CWF19L2: variants seen among roughly 807,000 people sequenced by gnomAD.
The protein encoded by CWF19L2 is CWF19 like cell cycle control factor 2.
Under a neutral mutation model 111.7 loss-of-function variants are expected in CWF19L2, and 98 were observed. The observed-to-expected ratio is 0.88, with a 90% CI of 0.75 to 1.04. The LOEUF is 1.04. Ranked by LOEUF, CWF19L2 falls within the 50% of genes least tolerant of loss-of-function variation. The pLI, the probability that CWF19L2 is intolerant of heterozygous loss-of-function variation, is 0.00. For synonymous variants in CWF19L2, 351 were observed against 342.9 expected, an observed-to-expected ratio of 1.02 and a Z score of -0.26; for missense variants, 1,101 against 1,051.4, an observed-to-expected ratio of 1.05 and a Z score of -0.65.
At chr11:107,419,246 G>A (rs1861270580) in intron 8 of CWF19L2, among the ~76,000 whole-genome samples, 1 of 152,150 alleles carries the variant, frequency 6.6e-6, no homozygotes, top group Non-Finnish European at 1.5e-5. Flanking sequence ...TCATTAGTGG[G>A]AAACAGCATG....
intron 10 of CWF19L2, among the ~76,000 whole-genome samples, chr11:107,410,168 G>A (rs896507715): frequency 6.6e-6 from 1 of 152,026 alleles, no homozygotes; most frequent in Non-Finnish European, 1.5e-5. Flanking sequence ...CTATGCATGG[G>A]GTTTTCTTTT....
intron 12 of CWF19L2, among the ~76,000 whole-genome samples, chr11:107,387,460 A>AC (rs1292968977): frequency 5.8e-4 from 31 of 53,422 alleles, no homozygotes; most frequent in African/African-American, 3.9e-3. Flanking sequence ...AACAAAACAA[A>AC]ACAAAACAAA....
Position 107,334,909 on chromosome 11 carries a change from T to A in CWF19L2, c.2411A>T (p.Asp804Val). Residue 804 changes from aspartate (D) to valine (V), a missense_variant, in exon 16 of 18, where the codon GAT becomes GTT. Transcript: ENST00000282251. ...CTTTCTGATATCTTTTGAAGAGAGA[T>A]CTATCAACTTCTTGTTCATGGACCA... ...EEWSMNKKLI[D>V]LSSKDIRKSV... 5.6e-6 allele frequency: 9 copies of A among 1,605,746 alleles called. No homozygotes were observed. Among genetic ancestry groups the A allele is most frequent in the Non-Finnish European group, 7.7e-6 (9 of 1,172,936 alleles).
At chr11:107,457,575 T>A (rs557374070) in intron 1 of CWF19L2, 137 bp downstream of exon 1, 1 of 621,238 alleles carries the variant, frequency 1.6e-6, no homozygotes, top group Admixed American at 3.0e-5. Context: ...TTTACCGGCA[T>A]TGCAAAGGGA....
intron 10 of CWF19L2, among the ~76,000 whole-genome samples, chr11:107,398,104 A>C (rs1214733926): frequency 6.6e-6 from 1 of 152,198 alleles, no homozygotes; most frequent in Non-Finnish European, 1.5e-5. Flanking sequence ...CCCTGGTAAT[A>C]TGACAAAACA....
chr11:107,360,894 T>A (rs140314769), intron 12 of CWF19L2, among the ~76,000 whole-genome samples: 1 of 152,224 alleles, frequency 6.6e-6, no homozygotes, highest in Non-Finnish European at 1.5e-5. Context: ...CCTTGACAAA[T>A]GCATATTTTG....
Position 107,336,640 on chromosome 11 carries a change from C to T in CWF19L2, c.2276G>A (p.Ser759Asn), listed in dbSNP as rs761181883. ...LDCIFLETNM[S>N]MKKQYHMVYE... Reference sequence around the variant, plus strand: ...AACCATGTGATACTGTTTCTTCATGCTCATATTAGTTTCCAAAAAAATGCA... The same window carrying T: ...AACCATGTGATACTGTTTCTTCATGTTCATATTAGTTTCCAAAAAAATGCA... The change falls in exon 15 of 18, where the codon AGC becomes AAC. Residue 759 changes from serine to asparagine, a missense_variant. Physicochemically the swap from Ser to Asn is conservative, Grantham distance 46. Coordinates refer to ENST00000282251, the MANE Select transcript of CWF19L2 (RefSeq NM_152434.3). 6 of 1,600,732 alleles carry T rather than the reference C, an allele frequency of 3.7e-6. No individual in the cohort carries two copies. The South Asian group carries it at 4.5e-5, about 12-fold the overall frequency.
rs188572118 is a variant in CWF19L2, at chr11:107,372,924, G to C, written c.1872+17150C>G. ...AGGCCAGTGGGTGCGCGCACCATGCGTGAGCCGAAGCAGGGCAAGGCATTG... is the reference window on the plus strand; with the variant it reads ...AGGCCAGTGGGTGCGCGCACCATGCCTGAGCCGAAGCAGGGCAAGGCATTG... On this transcript the variant is annotated intron_variant, in intron 12 of 17. Coordinates refer to ENST00000282251, the MANE Select transcript of CWF19L2 (RefSeq NM_152434.3). Among the ~76,000 whole-genome samples, 80 of 123,876 alleles carry C rather than the reference G, an allele frequency of 6.5e-4. 10 individuals are homozygous for C. In the East Asian group the frequency reaches 0.015, roughly 23 times the overall value. The allele number at this position is 123,876 out of a possible 152,430, so 81.3% of individuals were successfully genotyped here. A position where few individuals can be genotyped will look rare whatever the true frequency, so the allele number is the denominator to read the frequency against.
chr11:107,345,586 T>C, intron 14 of CWF19L2: 1 of 392,540 alleles, frequency 2.5e-6, no homozygotes, highest in Non-Finnish European at 5.0e-6. Flanking sequence ...GGTTCTGTAT[T>C]ATAAAATATA....
intron 12 of CWF19L2, among the ~76,000 whole-genome samples, chr11:107,381,008 G>C (rs374493573): frequency 7.9e-5 from 12 of 152,142 alleles, no homozygotes; most frequent in African/African-American, 2.9e-4. Flanking sequence ...TAATTACCTA[G>C]AACAGGCAAA....
At chr11:107,420,180 T>G (rs1861284195) in intron 8 of CWF19L2, among the ~76,000 whole-genome samples, 1 of 152,038 alleles carries the variant, frequency 6.6e-6, no homozygotes, top group Non-Finnish European at 1.5e-5. Flanking sequence ...AACCTAATTA[T>G]ATCAACAACA....
At chr11:107,449,917 C>A (rs1420738974) in intron 3 of CWF19L2, among the ~76,000 whole-genome samples, 1 of 152,012 alleles carries the variant, frequency 6.6e-6, no homozygotes, top group Non-Finnish European at 1.5e-5. Context: ...TATATACTGT[C>A]GAATATAGTA....
chr11:107,411,031 A>C (rs1591189122), intron 10 of CWF19L2, among the ~76,000 whole-genome samples: 2 of 151,842 alleles, frequency 1.3e-5, no homozygotes, highest in South Asian at 4.2e-4. Context: ...TAACACAAAA[A>C]TCTCAGGCTT....
chr11:107,345,576 G>T (rs1012558180), intron 14 of CWF19L2: 3 of 417,494 alleles, frequency 7.2e-6, no homozygotes, highest in African/African-American at 2.1e-5. Context: ...TTGCAAGAAT[G>T]GTTCTGTATT....
Position 107,430,211 on chromosome 11 carries a change from A to G in CWF19L2, c.781-760T>C, listed in dbSNP as rs1302708081. Among the ~76,000 whole-genome samples, 10 of 143,610 alleles carry G rather than the reference A, an allele frequency of 7.0e-5. 1 individual carries two copies. Among genetic ancestry groups the G allele is most frequent in the African/African-American group, 5.3e-5 (2 of 37,688 alleles). The allele number at this position is 143,610 out of a possible 152,430, so 94.2% of individuals were successfully genotyped here. A position where few individuals can be genotyped will look rare whatever the true frequency, so the allele number is the denominator to read the frequency against. Reference sequence around the variant, plus strand: ...AATACCTGAATCTCAAAACTCAAGGAAAAAAAAAAAAACCTTTACAAGGAC... The same window carrying G: ...AATACCTGAATCTCAAAACTCAAGGGAAAAAAAAAAAACCTTTACAAGGAC... On this transcript the variant is annotated intron_variant, in intron 7 of 17. Transcript: ENST00000282251.
intron 12 of CWF19L2, among the ~76,000 whole-genome samples, chr11:107,389,837 C>G (rs1262744713): frequency 6.6e-6 from 1 of 152,134 alleles, no homozygotes; most frequent in East Asian, 1.9e-4. Context: ...AAAATCTCCA[C>G]AGAATGCATT....
At chr11:107,416,049 A>T (rs1467197103) in intron 10 of CWF19L2, among the ~76,000 whole-genome samples, 160 bp downstream of exon 10, 15 of 152,138 alleles carry the variant, frequency 9.9e-5, no homozygotes, top group Non-Finnish European at 5.9e-5. Context: ...GTGAGCCAAG[A>T]TCATGCCACT....
At chr11:107,406,686 T>C (rs970591698) in intron 10 of CWF19L2, among the ~76,000 whole-genome samples, 39 of 146,478 alleles carry the variant, frequency 2.7e-4, no homozygotes, top group Admixed American at 2.7e-4. Context: ...GTGTTTTCCT[T>C]TTTTTTTTTT....
intron 12 of CWF19L2, among the ~76,000 whole-genome samples, chr11:107,379,260 A>AT (rs1370837639): frequency 6.6e-6 from 1 of 152,190 alleles, no homozygotes; most frequent in East Asian, 1.9e-4. Context: ...AAATGAGGCA[A>AT]TTTTGCTTCC....
Sources: gnomAD v4.1 joint callset for allele counts (sites outside exome capture counted in the v4.1 genomes callset) on GRCh38, gnomAD v4.1.1 for gene constraint, MANE v1.5 for transcripts, NCBI Gene and HGNC (gene_info 2026-07-23, HGNC 2026-07-21) for gene names.